TLK1: variants seen among roughly 807,000 people sequenced by gnomAD.
TLK1 encodes tousled like kinase 1, also known as serine/threonine-protein kinase tousled-like 1.
In TLK1, 24 loss-of-function variants were observed where a neutral mutation model predicts 105.3. That is an observed-to-expected ratio of 0.23 (90% CI 0.17 to 0.32). TLK1 has a LOEUF of 0.32. TLK1 is among the 10% of genes least tolerant of loss of function. The probability of loss-of-function intolerance (pLI) is 1.00; values close to 1 mark genes in which losing one functional copy is unlikely to be tolerated. For synonymous variants in TLK1, 321 were observed against 310.4 expected (o/e 1.03, Z -0.36); for missense variants, 558 against 910.5 (o/e 0.61, Z 4.98).
intron 1 of TLK1, among the ~76,000 whole-genome samples, chr2:171,156,057 T>C (rs1167244816): frequency 6.6e-6 from 1 of 152,192 alleles, no homozygotes; most frequent in Non-Finnish European, 1.5e-5. Context: ...TGGAATACAA[T>C]ATGCTTTCAC....
At chr2:171,153,306 A>T (rs1052654797) in intron 1 of TLK1, among the ~76,000 whole-genome samples, 3 of 152,234 alleles carry the variant, frequency 2.0e-5, no homozygotes, top group Non-Finnish European at 4.4e-5. Flanking sequence ...TATGAGATAT[A>T]AGAATTAACA....
At chr2:171,222,412 G>A (rs557138614) in intron 1 of TLK1, among the ~76,000 whole-genome samples, 16 of 152,206 alleles carry the variant, frequency 1.1e-4, no homozygotes, top group African/African-American at 3.4e-4. Flanking sequence ...TCCCTGCAGT[G>A]TTGACATCCC....
chr2:171,088,335 C>T (rs1689072343), intron 2 of TLK1, among the ~76,000 whole-genome samples: 1 of 141,736 alleles, frequency 7.1e-6, no homozygotes, highest in South Asian at 3.0e-4. Flanking sequence ...ATCAAAAACA[C>T]CCCAAAAAAC....
intron 1 of TLK1, among the ~76,000 whole-genome samples, chr2:171,210,603 C>A (rs899442219): frequency 1.3e-5 from 2 of 152,138 alleles, no homozygotes; most frequent in African/African-American, 4.8e-5. Flanking sequence ...AAACAATGCC[C>A]TGTGCAAAAA....
At chr2:171,140,497 T>C (rs1691529834) in intron 1 of TLK1, among the ~76,000 whole-genome samples, 1 of 152,214 alleles carries the variant, frequency 6.6e-6, no homozygotes, top group Non-Finnish European at 1.5e-5. Context: ...AAAGCCTCAC[T>C]GGGTTAGCCA....
intron 12 of TLK1, among the ~76,000 whole-genome samples, chr2:171,020,063 GAA>G (rs35782529): frequency 8.4e-4 from 114 of 136,094 alleles, no homozygotes; most frequent in Non-Finnish European, 8.7e-4. Context: ...CTCCGTCTCA[GAA>G]AAAAAAAAAA....
intron 18 of TLK1, among the ~76,000 whole-genome samples, chr2:171,001,706 G>C (rs2105356282): frequency 6.6e-6 from 1 of 152,116 alleles, no homozygotes; most frequent in East Asian, 1.9e-4. Context: ...TCCAGAAGAG[G>C]GCACTTCTGT....
In TLK1 at chr2:171,160,387, T is replaced by C. The variant is rs756367378; in HGVS notation, c.42A>G (p.Pro14=). Residue 14 remains proline, a synonymous_variant, in exon 1 of 21, where the codon CCA becomes CCG. Transcript: ENST00000431350. This position sits in a 1 kb window ranked among gnomAD's most constrained non-coding sequence, Gnocchi z 4.4. ...QSSSGSLEGP[P]SWSQLSTSPT... ...GAGACGTGGAGAGCTGGGACCAAGA[T>C]GGCGGCCCCTCCAAACTTCCACTGC... The C allele has an allele frequency of 1.9e-6, 3 of 1,604,074 alleles. No individual in the cohort carries two copies. Among genetic ancestry groups the C allele is most frequent in the South Asian group, 1.1e-5 (1 of 89,930 alleles).
intron 1 of TLK1, among the ~76,000 whole-genome samples, chr2:171,166,060 T>C (rs751319693): frequency 2.2e-4 from 33 of 151,862 alleles, no homozygotes; most frequent in Non-Finnish European, 4.1e-4. Context: ...CATGTTACAA[T>C]TGTAGCTTGA....
At chr2:171,009,580 T>TA (rs956301086) in intron 14 of TLK1, among the ~76,000 whole-genome samples, 8 of 152,152 alleles carry the variant, frequency 5.3e-5, no homozygotes, top group African/African-American at 1.9e-4. Context: ...GTGCTAGGAT[T>TA]ACAGGTGTGA....
chr2:171,145,294 C>T (rs1436025808), intron 1 of TLK1, among the ~76,000 whole-genome samples: 2 of 150,202 alleles, frequency 1.3e-5, no homozygotes, highest in East Asian at 3.9e-4. Flanking sequence ...ACACAGACTA[C>T]AAACAAACAA....
intron 2 of TLK1, among the ~76,000 whole-genome samples, chr2:171,104,585 C>G (rs1689835217): frequency 2.0e-5 from 3 of 152,136 alleles, no homozygotes; most frequent in South Asian, 4.1e-4. Context: ...ACAGAAGACT[C>G]TGAATAGCCA....
intron 11 of TLK1, among the ~76,000 whole-genome samples, chr2:171,033,559 G>C (rs1030761751): frequency 5.3e-5 from 8 of 151,478 alleles, no homozygotes; most frequent in African/African-American, 1.9e-4. Context: ...AAATAACCAA[G>C]AGTATAATTG....
chr2:171,013,421 T>A (rs1685026090), intron 13 of TLK1, among the ~76,000 whole-genome samples: 1 of 139,264 alleles, frequency 7.2e-6, no homozygotes, highest in African/African-American at 2.7e-5. Context: ...TCCTCCCTCC[T>A]CAGTTCCCCA....
At chr2:171,150,836 T>C (rs1232678800) in intron 1 of TLK1, among the ~76,000 whole-genome samples, 5 of 152,208 alleles carry the variant, frequency 3.3e-5, no homozygotes, top group African/African-American at 7.2e-5. Flanking sequence ...CTTAACAAAG[T>C]CGTGTTGTTA....
At chr2:171,116,591 T>G (rs921826837) in intron 2 of TLK1, among the ~76,000 whole-genome samples, 1 of 151,928 alleles carries the variant, frequency 6.6e-6, no homozygotes, top group Non-Finnish European at 1.5e-5. Flanking sequence ...TCCCAGCTAC[T>G]TGGGAGGCTG....
rs539645604 is a variant in TLK1, at chr2:171,160,569, G to C, written c.-141C>G. 9 of 1,427,626 alleles carry C rather than the reference G, an allele frequency of 6.3e-6. No individual in the cohort carries two copies. In the Admixed American group the frequency reaches 2.4e-4, roughly 38 times the overall value. 88.4% of individuals were successfully genotyped at this position (1,427,626 alleles called of 1,614,324 possible). On this transcript the variant is annotated 5_prime_UTR_variant, in exon 1 of 21. Coordinates refer to ENST00000431350, the MANE Select transcript of TLK1 (RefSeq NM_012290.5). The surrounding 1 kb of genome is among the most constrained non-coding windows in gnomAD (Gnocchi z 4.4). ...CTGGGAGGGGAGAGTCAAGGGGATG[G>C]GGGAGGAAACCGAGAAGAGGGGAGG...
chr2:171,063,757 A>G lies in TLK1; in HGVS notation c.331-2601T>C, dbSNP rs1410461318. 2.6e-5 allele frequency among the ~76,000 whole-genome samples: 4 copies of G among 152,194 alleles called. No individual in the cohort carries two copies. In the East Asian group the frequency reaches 7.7e-4, roughly 29 times the overall value. ...TGAGGGTAAAAAGGGGTGAGTTCAA[A>G]CGGGGTAAACAAAATTAGATTTCTT... On this transcript the variant is annotated intron_variant, in intron 3 of 20. Coordinates refer to ENST00000431350, the MANE Select transcript of TLK1 (RefSeq NM_012290.5).
intron 1 of TLK1, among the ~76,000 whole-genome samples, chr2:171,142,699 T>C (rs1381430662): frequency 1.3e-5 from 2 of 152,196 alleles, no homozygotes; most frequent in East Asian, 1.9e-4. Context: ...TTTGTCTGAA[T>C]AGGAGCAAAC....
Sources: gnomAD v4.1 joint callset for allele counts (sites outside exome capture counted in the v4.1 genomes callset) on GRCh38, gnomAD v4.1.1 for gene constraint, Gnocchi (gnomAD v3.1) non-coding constraint, MANE v1.5 for transcripts, NCBI Gene and HGNC (gene_info 2026-07-23, HGNC 2026-07-21) for gene names.